Variants in MGAT4C observed in about 807,000 individuals in gnomAD.
MGAT4C encodes the protein MGAT4 family member C.
MGAT4C carries 19 observed loss-of-function variants against 40.1 expected under a neutral mutation model. That is an observed-to-expected ratio of 0.47 (90% CI 0.33 to 0.70). The LOEUF is 0.70. Ranked by LOEUF, MGAT4C falls within the 30% of genes least tolerant of loss-of-function variation. The pLI is 0.02. For missense variants in MGAT4C, 491 were observed against 563.2 expected (o/e 0.87, Z 1.30); for synonymous variants, 181 against 187.1 (o/e 0.97, Z 0.27).
chr12:86,028,699 G>A (rs1890468331), intron 2 of MGAT4C, among the ~76,000 whole-genome samples: 1 of 151,802 alleles, frequency 6.6e-6, no homozygotes, highest in Admixed American at 6.6e-5. Context: ...AATACACTAT[G>A]GTGCTATTCT....
chr12:86,433,943 C>T (rs1250747938), intron 3 of MGAT4C, among the ~76,000 whole-genome samples: 2 of 151,882 alleles, frequency 1.3e-5, no homozygotes, highest in Non-Finnish European at 2.9e-5. Flanking sequence ...TACATATTTC[C>T]TCTCCTGGAA....
Position 86,403,391 on chromosome 12 carries a change from C to T in MGAT4C, c.-120+31766G>A, listed in dbSNP as rs374622356. 2.6e-5 allele frequency among the ~76,000 whole-genome samples: 4 copies of T among 152,314 alleles called. No individual in the cohort carries two copies. The East Asian group carries it at 7.7e-4, about 29-fold the overall frequency. ...AAAATATATGCAAATACCCTGTTAG[C>T]AGCTTCTGTTTCCTTATAGAAAGCA... On this transcript the variant is annotated intron_variant, in intron 3 of 7. Coordinates refer to the MGAT4C transcript ENST00000548651.
At chr12:86,172,876 A>G (rs1368585745) in intron 1 of MGAT4C, among the ~76,000 whole-genome samples, 1 of 152,134 alleles carries the variant, frequency 6.6e-6, no homozygotes, top group Non-Finnish European at 1.5e-5. Context: ...TTTAATAATG[A>G]ATATTAATGA....
intron 1 of MGAT4C, among the ~76,000 whole-genome samples, chr12:86,133,290 ATACT>A (rs1593030167): frequency 6.6e-6 from 1 of 152,254 alleles, no homozygotes; most frequent in African/African-American, 2.4e-5. Context: ...TGGGAAACAA[ATACT>A]TAAGCATTGC....
chr12:86,001,685 T>C (rs1887316500), intron 2 of MGAT4C: 5 of 959,104 alleles, frequency 5.2e-6, no homozygotes, highest in Non-Finnish European at 6.2e-6. Flanking sequence ...CATGCTTCTC[T>C]GTTAGGAAGG....
At chr12:86,344,784 G>C (rs1389993258) in intron 3 of MGAT4C, among the ~76,000 whole-genome samples, 1 of 151,086 alleles carries the variant, frequency 6.6e-6, no homozygotes, top group Non-Finnish European at 1.5e-5. Flanking sequence ...GTAGCGGCAA[G>C]AGGGGCACAT....
intron 2 of MGAT4C, among the ~76,000 whole-genome samples, chr12:86,668,857 G>T (rs1268722714): frequency 6.6e-6 from 1 of 152,156 alleles, no homozygotes; most frequent in Non-Finnish European, 1.5e-5. Flanking sequence ...TGGTGCTCAA[G>T]GCTGCTCCCC....
chr12:86,371,393 C>T (rs1955712001), intron 3 of MGAT4C, among the ~76,000 whole-genome samples: 1 of 151,910 alleles, frequency 6.6e-6, no homozygotes, highest in Non-Finnish European at 1.5e-5. Context: ...GGGATCTTTC[C>T]AAAAGATAAA....
At chr12:86,595,736 C>T (rs998735885) in intron 2 of MGAT4C, among the ~76,000 whole-genome samples, 1 of 152,134 alleles carries the variant, frequency 6.6e-6, no homozygotes, top group African/African-American at 2.4e-5. Context: ...CTGCTTTGAT[C>T]AAATTTTTTG....
intron 2 of MGAT4C, among the ~76,000 whole-genome samples, chr12:86,647,368 T>C (rs965441679): frequency 2.0e-5 from 3 of 151,954 alleles, no homozygotes; most frequent in African/African-American, 7.2e-5. Flanking sequence ...CCAAACTTGC[T>C]CAAGAAGTTA....
intron 3 of MGAT4C, among the ~76,000 whole-genome samples, chr12:86,346,410 A>C (rs1055173105): frequency 2.6e-5 from 4 of 152,124 alleles, no homozygotes; most frequent in African/African-American, 9.6e-5. Flanking sequence ...TTTTTAGTAG[A>C]GATGGGGTTT....
intron 4 of MGAT4C, among the ~76,000 whole-genome samples, chr12:86,332,155 A>G (rs531056578): frequency 6.6e-6 from 1 of 152,126 alleles, no homozygotes; most frequent in Non-Finnish European, 1.5e-5. Context: ...AAATTATAAA[A>G]ATAGAAAAAA....
At chr12:86,335,352 T>C (rs886667357) in intron 3 of MGAT4C, among the ~76,000 whole-genome samples, 17 of 152,134 alleles carry the variant, frequency 1.1e-4, no homozygotes, top group Admixed American at 1.1e-3. Flanking sequence ...AGTCTTTCTC[T>C]AGGATCCAGA....
intron 2 of MGAT4C, among the ~76,000 whole-genome samples, chr12:86,712,620 T>G (rs1950577185): frequency 6.6e-6 from 1 of 152,158 alleles, no homozygotes; most frequent in African/African-American, 2.4e-5. Flanking sequence ...GCTTGTTTTC[T>G]TTAGCATGAA....
chr12:86,774,049 G>A (rs1951687435), intron 1 of MGAT4C, among the ~76,000 whole-genome samples: 1 of 138,962 alleles, frequency 7.2e-6, no homozygotes, highest in South Asian at 2.3e-4. Flanking sequence ...TGTCTTTTGG[G>A]TTCAAGCAAT....
intron 4 of MGAT4C, among the ~76,000 whole-genome samples, chr12:86,326,162 C>T (rs376264989): frequency 6.6e-6 from 1 of 151,804 alleles, no homozygotes; most frequent in South Asian, 2.1e-4. Context: ...AAGCGGCCAA[C>T]AAATATTTAT....
intron 3 of MGAT4C, among the ~76,000 whole-genome samples, chr12:86,335,694 T>A (rs1451466639): frequency 6.6e-6 from 1 of 152,136 alleles, no homozygotes; most frequent in Non-Finnish European, 1.5e-5. Flanking sequence ...AAAGCCCACA[T>A]CTTGTTCCAG....
In MGAT4C at chr12:85,974,835, T is replaced by C. The variant is rs1426137915; in HGVS notation, c.*4454A>G. The C allele has an allele frequency of 2.0e-5, 3 of 150,520 alleles. No individual in the cohort carries two copies. The highest frequency in any genetic ancestry group is 7.3e-5 in the African/African-American group (3 of 41,234). The allele number at this position is 150,520 out of a possible 1,614,324, so 9.3% of individuals were successfully genotyped here. Reference sequence around the variant, plus strand: ...ACTCAAAGTAGACTAGCAGATAAGATACCTATTTCAAACATCAGTGCCAAG... The same window carrying C: ...ACTCAAAGTAGACTAGCAGATAAGACACCTATTTCAAACATCAGTGCCAAG... On this transcript the variant is annotated 3_prime_UTR_variant, in exon 5 of 5. Transcript: ENST00000611864.
chr12:86,054,091 T>A (rs9668994), intron 1 of MGAT4C, among the ~76,000 whole-genome samples: 121,806 of 152,004 alleles, frequency 0.8, 49,506 homozygotes, highest in East Asian at 0.97. Flanking sequence ...CCACTACTGG[T>A]TACATAATCA....
Sources: gnomAD v4.1 joint callset for allele counts (sites outside exome capture counted in the v4.1 genomes callset) on GRCh38, gnomAD v4.1.1 for gene constraint, MANE v1.5 for transcripts, NCBI Gene and HGNC (gene_info 2026-07-23, HGNC 2026-07-21) for gene names.